Variants in PCNX2 observed in about 807,000 individuals in gnomAD.
PCNX2 encodes the protein pecanex 2.
In PCNX2, 168 loss-of-function variants were observed where a neutral mutation model predicts 223.8. That is an observed-to-expected ratio of 0.75 (90% CI 0.66 to 0.85). PCNX2 has a LOEUF of 0.85. PCNX2 is among the 40% of genes least tolerant of loss of function. PCNX2 has a pLI of 0.00. For missense variants in PCNX2, 2,507 were observed against 2,675.5 expected, an observed-to-expected ratio of 0.94 and a Z score of 1.39; for synonymous variants, 1,006 against 1,052.6, an observed-to-expected ratio of 0.96 and a Z score of 0.86.
At chr1:233,261,933 C>T (rs2102999249) in intron 3 of PCNX2, 112 bp downstream of exon 3, 2 of 1,477,340 alleles carry the variant, frequency 1.4e-6, no homozygotes, top group Admixed American at 3.4e-5. Context: ...TGTACACGGG[C>T]CAGTGATTAC....
At chr1:233,052,981 A>G (rs1159968007) in intron 25 of PCNX2, among the ~76,000 whole-genome samples, 3 of 151,602 alleles carry the variant, frequency 2.0e-5, no homozygotes, top group Admixed American at 6.6e-5. Flanking sequence ...TGTCTCTGCC[A>G]TCATCTGCTT....
At chr1:233,175,894 C>T (rs1277972027) in intron 17 of PCNX2, among the ~76,000 whole-genome samples, 1 of 152,148 alleles carries the variant, frequency 6.6e-6, no homozygotes, top group Non-Finnish European at 1.5e-5. Context: ...GGCACAAAAG[C>T]TGAGTATGAA....
At chr1:233,022,583 T>G (rs761700589) in intron 26 of PCNX2, among the ~76,000 whole-genome samples, 3 of 141,248 alleles carry the variant, frequency 2.1e-5, no homozygotes, top group Non-Finnish European at 4.5e-5. Flanking sequence ...GTGCACAGTG[T>G]GTACACAAAA....
At chr1:233,319,740 T>C in the PCNX2 span, among the ~76,000 whole-genome samples, 1 of 152,226 alleles carries the variant, frequency 6.6e-6, no homozygotes, top group Non-Finnish European at 1.5e-5. Flanking sequence ...TTAATGTGCT[T>C]AAAAATTATT....
rs1195046642 is a variant in PCNX2 at position 233,167,248 on chromosome 1, G to C, written c.3274-5885C>G. 2.6e-5 allele frequency among the ~76,000 whole-genome samples: 4 copies of C among 152,024 alleles called. No individual in the cohort carries two copies. In the East Asian group the frequency reaches 7.7e-4, roughly 29 times the overall value. ...GACATCCTGCCATTTGCCACAACATGGATGAACCTGGAGCACATTTTGCTA... is the reference window on the plus strand; with the variant it reads ...GACATCCTGCCATTTGCCACAACATCGATGAACCTGGAGCACATTTTGCTA... On this transcript the variant is annotated intron_variant, in intron 17 of 33. Coordinates refer to ENST00000258229, the MANE Select transcript of PCNX2 (RefSeq NM_014801.4).
chr1:233,194,461 C>G (rs183097709), intron 15 of PCNX2, among the ~76,000 whole-genome samples: 2 of 151,854 alleles, frequency 1.3e-5, no homozygotes, highest in South Asian at 4.2e-4. Flanking sequence ...ATGTACATTG[C>G]AGAAATTATT....
At position 233,000,597 on chromosome 1, in the gene PCNX2, C is replaced by T; in HGVS notation, c.5098-62G>A. The T allele has an allele frequency of 7.2e-7, 1 of 1,386,538 alleles. No homozygotes were observed. The highest frequency in any genetic ancestry group is 9.9e-7 in the Non-Finnish European group (1 of 1,013,866). 85.9% of individuals were successfully genotyped at this position (1,386,538 alleles called of 1,614,324 possible). A position where few individuals can be genotyped will look rare whatever the true frequency, so the allele number is the denominator to read the frequency against. On this transcript the variant is annotated intron_variant, in intron 29 of 33. Transcript: ENST00000258229. The surrounding 1 kb of genome is among the most constrained non-coding windows in gnomAD (Gnocchi z 4.6). ...ACCAGAGGAACTCACCCCCAGGAAG[C>T]ATGCAGATGGCAACTGGCCAGTGAC...
intron 12 of PCNX2, chr1:233,210,465 G>A (rs989011517): frequency 1.3e-5 from 5 of 377,426 alleles, no homozygotes; most frequent in Non-Finnish European, 1.8e-5. Context: ...TTTTAGTAGG[G>A]ATGGGGTTTC....
intron 17 of PCNX2, among the ~76,000 whole-genome samples, chr1:233,172,726 G>A (rs1357777390): frequency 1.3e-5 from 2 of 152,208 alleles, no homozygotes; most frequent in Non-Finnish European, 2.9e-5. Context: ...CTCCTGTTCA[G>A]TAAGATTTTA....
At position 233,253,474 on chromosome 1, in the gene PCNX2, A is replaced by T. The variant is rs1659569236; in HGVS notation, c.1835-686T>A. On this transcript the variant is annotated intron_variant, in intron 5 of 33. Coordinates refer to ENST00000258229, the MANE Select transcript of PCNX2 (RefSeq NM_014801.4). This position sits in a 1 kb window ranked among gnomAD's most constrained non-coding sequence, Gnocchi z 4.2. ...ACTCTCCTATCTCTGCCTCCCAAGC[A>T]GCTGGGATGACAGGCACATGCCACT... Among the ~76,000 whole-genome samples the T allele has an allele frequency of 6.6e-6, 1 of 152,196 alleles. No individual in the cohort carries two copies. Among genetic ancestry groups the T allele is most frequent in the Non-Finnish European group, 1.5e-5 (1 of 68,026 alleles).
the PCNX2 span, among the ~76,000 whole-genome samples, chr1:233,304,363 A>G: frequency 6.6e-6 from 1 of 152,204 alleles, no homozygotes; most frequent in Non-Finnish European, 1.5e-5. Context: ...AGGTAGGCTA[A>G]TCCTCATTCA....
chr1:233,102,087 CTTTTTT>C (rs201107797), intron 21 of PCNX2, among the ~76,000 whole-genome samples: 17 of 125,026 alleles, frequency 1.4e-4, no homozygotes, highest in Middle Eastern at 4.1e-3. Flanking sequence ...ATTCATTTTT[CTTTTTT>C]TTTTTTTTTT....
chr1:233,112,044 A>G (rs1486752069), intron 21 of PCNX2, among the ~76,000 whole-genome samples: 1 of 152,214 alleles, frequency 6.6e-6, no homozygotes, highest in African/African-American at 2.4e-5. Flanking sequence ...TGGATGTTTC[A>G]AATTTTATAG....
chr1:233,107,261 G>A (rs1674852221), intron 21 of PCNX2, among the ~76,000 whole-genome samples: 1 of 151,940 alleles, frequency 6.6e-6, no homozygotes, highest in South Asian at 2.1e-4. Context: ...AAGGTTGGGT[G>A]CAGTTTGTAG....
chr1:233,229,827 A>C (rs537632794), intron 9 of PCNX2, among the ~76,000 whole-genome samples: 1 of 151,822 alleles, frequency 6.6e-6, no homozygotes, highest in Admixed American at 6.6e-5. Context: ...TCAAAAATTA[A>C]TGAAAAAAAG....
At chr1:233,138,168 G>C (rs74230955) in intron 20 of PCNX2, among the ~76,000 whole-genome samples, 1 of 152,172 alleles carries the variant, frequency 6.6e-6, no homozygotes, top group Admixed American at 6.5e-5. Flanking sequence ...TTGCTGATGT[G>C]ATCATCTGGG....
intron 25 of PCNX2, among the ~76,000 whole-genome samples, chr1:233,047,006 C>T (rs985671244): frequency 6.6e-6 from 1 of 152,108 alleles, no homozygotes; most frequent in Non-Finnish European, 1.5e-5. Context: ...TTTTCAAACC[C>T]GAACACCACC....
chr1:233,129,469 GTCA>G (rs890971610), intron 21 of PCNX2, among the ~76,000 whole-genome samples: 6 of 152,232 alleles, frequency 3.9e-5, no homozygotes, highest in Non-Finnish European at 5.9e-5. Context: ...GGCACCAGGT[GTCA>G]TCAACCAATC....
Position 233,295,710 on chromosome 1 carries a change from G to T in PCNX2, c.-232C>A. 7.4e-6 allele frequency: 3 copies of T among 405,040 alleles called. No homozygotes were observed. Among genetic ancestry groups the T allele is most frequent in the Middle Eastern group, 6.7e-4 (1 of 1,484 alleles). The allele number at this position is 405,040 out of a possible 1,614,324, so 25.1% of individuals were successfully genotyped here. On this transcript the variant is annotated 5_prime_UTR_variant, in exon 1 of 34. Transcript: ENST00000258229. The surrounding 1 kb of genome is among the most constrained non-coding windows in gnomAD (Gnocchi z 4.1). The stretch of plus-strand genomic sequence containing the variant: ...GGCTGCTGCGGCCGGGCAGGTGAGC[G>T]CCATGTCCGAGGGAGGAAGGATTTT...
Sources: gnomAD v4.1 joint callset for allele counts (sites outside exome capture counted in the v4.1 genomes callset) on GRCh38, gnomAD v4.1.1 for gene constraint, Gnocchi (gnomAD v3.1) non-coding constraint, MANE v1.5 for transcripts, NCBI Gene and HGNC (gene_info 2026-07-23, HGNC 2026-07-21) for gene names.